The following FAM81A variants were observed in gnomAD, a reference collection of about 807,000 sequenced individuals.
FAM81A encodes protein FAM81A.
Under a neutral mutation model 46.7 loss-of-function variants are expected in FAM81A, and 19 were observed. The ratio of observed to expected loss-of-function variants is 0.41; its 90% CI spans 0.28 to 0.60. FAM81A has a LOEUF of 0.60. Among genes scored for constraint, FAM81A ranks in the 20% least tolerant of loss-of-function variants. The pLI is 0.34. For synonymous variants in FAM81A, 183 were observed against 152.9 expected (o/e 1.20, Z -1.45); for missense variants, 377 against 453.5 (o/e 0.83, Z 1.53).
intron 2 of FAM81A, among the ~76,000 whole-genome samples, chr15:59,415,368 T>C (rs1028085421): frequency 6.6e-6 from 1 of 152,078 alleles, no homozygotes; most frequent in Non-Finnish European, 1.5e-5. Context: ...TCCTCTTGTC[T>C]TGACCTCCTA....
At chr15:59,406,093 G>A (rs572584013) in intron 2 of FAM81A, among the ~76,000 whole-genome samples, 7 of 152,322 alleles carry the variant, frequency 4.6e-5, no homozygotes, top group African/African-American at 1.4e-4. Flanking sequence ...AAACCACTGG[G>A]CACAGGGGAA....
intron 3 of FAM81A, among the ~76,000 whole-genome samples, chr15:59,489,197 G>A (rs1046585194): frequency 8.6e-5 from 13 of 151,880 alleles, no homozygotes; most frequent in Non-Finnish European, 1.2e-4. Flanking sequence ...CCTGGGAGGC[G>A]GAGGTTGCAG....
chr15:59,465,740 C>G (rs2081604506), intron 3 of FAM81A, among the ~76,000 whole-genome samples: 1 of 152,030 alleles, frequency 6.6e-6, no homozygotes. Flanking sequence ...TACATGCGCA[C>G]AACGTGCAGG....
At chr15:59,512,181 A>T (rs1269078747) in intron 6 of FAM81A, among the ~76,000 whole-genome samples, 1 of 152,138 alleles carries the variant, frequency 6.6e-6, no homozygotes, top group African/African-American at 2.4e-5. Flanking sequence ...TATAAAATTT[A>T]AAAATATGCA....
chr15:59,423,378 G>A (rs982967230), intron 2 of FAM81A, among the ~76,000 whole-genome samples: 1 of 152,222 alleles, frequency 6.6e-6, no homozygotes, highest in African/African-American at 2.4e-5. Context: ...GATTACAGGC[G>A]TGAGCCATCG....
chr15:59,453,367 G>T (rs144291568), intron 1 of FAM81A, among the ~76,000 whole-genome samples: 136 of 152,300 alleles, frequency 8.9e-4, no homozygotes, highest in African/African-American at 3.1e-3. Flanking sequence ...CTTTACAAAT[G>T]ATTGTGAGGA....
intron 3 of FAM81A, among the ~76,000 whole-genome samples, chr15:59,467,423 C>T (rs1256348423): frequency 6.6e-6 from 1 of 152,204 alleles, no homozygotes; most frequent in Non-Finnish European, 1.5e-5. Context: ...AGGTCCTTCA[C>T]ATCCCTTGTA....
At position 59,460,185 on chromosome 15, in the gene FAM81A, G is replaced by A. The variant is rs769033799; in HGVS notation, c.273G>A (p.Lys91=). ...EHIRNITAIV[K]QLNRDIEVLQ... ...TCAGAAACATAACTGCCATAGTGAA[G>A]CAACTTAATCGGGATATCGAGGTAA... Residue 91 remains lysine (K), a synonymous_variant, in exon 3 of 9, where the codon AAG becomes AAA. Coordinates refer to ENST00000288228, the MANE Select transcript of FAM81A (RefSeq NM_152450.3). The surrounding 1 kb of genome is among the most constrained non-coding windows in gnomAD (Gnocchi z 4.4). 5.0e-6 allele frequency: 8 copies of A among 1,613,922 alleles called. No homozygotes were observed. In the South Asian group the frequency reaches 7.7e-5, roughly 16 times the overall value.
chr15:59,506,052 G>C (rs2082145362), intron 4 of FAM81A, among the ~76,000 whole-genome samples: 1 of 152,142 alleles, frequency 6.6e-6, no homozygotes. Context: ...TCCAGAAGGT[G>C]TCAGCATACT....
chr15:59,509,918 G>A (rs572922279), intron 6 of FAM81A, among the ~76,000 whole-genome samples: 2 of 152,272 alleles, frequency 1.3e-5, no homozygotes, highest in East Asian at 3.9e-4. Flanking sequence ...GACAGCAATA[G>A]ACACAAATAG....
chr15:59,404,350 A>G (rs2081085229), intron 2 of FAM81A, among the ~76,000 whole-genome samples: 1 of 152,214 alleles, frequency 6.6e-6, no homozygotes. Context: ...GTCAGAGTCC[A>G]TAGCCCATAT....
intron 3 of FAM81A, among the ~76,000 whole-genome samples, chr15:59,477,581 G>A (rs1377317240): frequency 6.6e-6 from 1 of 152,164 alleles, no homozygotes; most frequent in African/African-American, 2.4e-5. Flanking sequence ...AGTAAAATAT[G>A]TTTTCAAACC....
chr15:59,449,218 C>A (rs372368181), intron 1 of FAM81A, among the ~76,000 whole-genome samples: 1 of 152,086 alleles, frequency 6.6e-6, no homozygotes. Context: ...GAGAGTCTAA[C>A]AATTTGACTC....
At chr15:59,512,128 T>C (rs1425523506) in intron 6 of FAM81A, among the ~76,000 whole-genome samples, 1 of 152,052 alleles carries the variant, frequency 6.6e-6, no homozygotes, top group East Asian at 1.9e-4. Context: ...ATATGTTGAG[T>C]GAAAAATGAG....
intron 1 of FAM81A, among the ~76,000 whole-genome samples, chr15:59,447,880 G>A (rs1436476401): frequency 6.6e-6 from 1 of 152,160 alleles, no homozygotes; most frequent in African/African-American, 2.4e-5. Flanking sequence ...ATACAGGAGC[G>A]AAGGAAGGCA....
intron 1 of FAM81A, among the ~76,000 whole-genome samples, chr15:59,457,211 T>C (rs1298965260): frequency 6.6e-6 from 1 of 152,180 alleles, no homozygotes. Context: ...AAGTTTTAAA[T>C]TGTGTGTTGT....
chr15:59,484,706 G>A (rs1403518226), intron 3 of FAM81A, among the ~76,000 whole-genome samples: 2 of 152,226 alleles, frequency 1.3e-5, no homozygotes, highest in Non-Finnish European at 2.9e-5. Context: ...CGTGGTGGCT[G>A]TGAGGAGAGA....
chr15:59,491,849 C>G (rs2081984857), intron 3 of FAM81A, among the ~76,000 whole-genome samples: 2 of 152,042 alleles, frequency 1.3e-5, no homozygotes, highest in Non-Finnish European at 2.9e-5. Context: ...GCCTGTAATC[C>G]CAGCTGCTCG....
At chr15:59,425,189 G>A (rs368187771) in intron 2 of FAM81A, among the ~76,000 whole-genome samples, 10 of 152,202 alleles carry the variant, frequency 6.6e-5, no homozygotes, top group African/African-American at 2.4e-4. Context: ...AGCTCCATGA[G>A]GGCATAGACC....
Sources: gnomAD v4.1 joint callset for allele counts (sites outside exome capture counted in the v4.1 genomes callset) on GRCh38, gnomAD v4.1.1 for gene constraint, Gnocchi (gnomAD v3.1) non-coding constraint, MANE v1.5 for transcripts, NCBI Gene and HGNC (gene_info 2026-07-23, HGNC 2026-07-21) for gene names.